The following EYA2 variants were observed in gnomAD, a reference collection of about 807,000 sequenced individuals.
EYA2 encodes protein phosphatase EYA2.
A neutral mutation model predicts 69.2 loss-of-function variants in EYA2; 31 were observed. The observed-to-expected ratio is 0.45, with a 90% confidence interval of 0.34 to 0.60. The LOEUF (loss-of-function observed/expected upper bound fraction) is 0.60, where lower values mean the gene tolerates loss of function less well. Among genes scored for constraint, EYA2 ranks in the 20% least tolerant of loss-of-function variants. EYA2 has a pLI of 0.02. For synonymous variants in EYA2, 257 were observed against 279.4 expected (o/e 0.92, Z 0.80); for missense variants, 622 against 701.2 (o/e 0.89, Z 1.28).
intron 9 of EYA2, among the ~76,000 whole-genome samples, chr20:47,134,261 C>T (rs781123151): frequency 1.1e-4 from 16 of 152,166 alleles, no homozygotes; most frequent in Non-Finnish European, 1.6e-4. Flanking sequence ...GGAAGGCAGA[C>T]GCTCCCTCAG....
chr20:47,087,534 G>A (rs553388661), intron 7 of EYA2, among the ~76,000 whole-genome samples: 7 of 152,336 alleles, frequency 4.6e-5, no homozygotes, highest in South Asian at 2.1e-4. Flanking sequence ...GAGTTACCTC[G>A]TTAGCTAAAT....
intron 2 of EYA2, among the ~76,000 whole-genome samples, chr20:46,991,082 C>A (rs554633078): frequency 6.6e-6 from 1 of 152,350 alleles, no homozygotes; most frequent in South Asian, 2.1e-4. Flanking sequence ...GAAGAACATA[C>A]CCTCATTCTT....
At chr20:46,955,643 A>G (rs1056146713) in intron 1 of EYA2, among the ~76,000 whole-genome samples, 2 of 151,944 alleles carry the variant, frequency 1.3e-5, no homozygotes, top group African/African-American at 4.8e-5. Flanking sequence ...AATCATCCAC[A>G]AATTCATAGA....
intron 10 of EYA2, among the ~76,000 whole-genome samples, chr20:47,154,287 G>A (rs928115640): frequency 6.6e-6 from 1 of 151,976 alleles, no homozygotes; most frequent in Non-Finnish European, 1.5e-5. Context: ...CAATCCCATT[G>A]GGTTAGGGCC....
chr20:47,078,460 G>A (rs1338755159), intron 7 of EYA2, among the ~76,000 whole-genome samples: 2 of 152,174 alleles, frequency 1.3e-5, no homozygotes, highest in African/African-American at 2.4e-5. Context: ...AGGCTCTAGA[G>A]GTTTACTGAC....
In EYA2 at chr20:46,908,870, C is replaced by CTTTTTTTTTTTTTTTTTTTT. The variant is rs56834738; in HGVS notation, c.-11+13901_-11+13920dup. Reference sequence around the variant, plus strand: ...AAAGGCACTAAGCCTCTCTCCCGCACTTTTTTTTTTTTTTTTTTTTTTTTT... The same window carrying CTTTTTTTTTTTTTTTTTTTT: ...AAAGGCACTAAGCCTCTCTCCCGCACTTTTTTTTTTTTTTTTTTTTTTTTTTTTTTTTTTTTTTTTTTTTT... On this transcript the variant is annotated intron_variant, in intron 1 of 15. Coordinates refer to ENST00000327619, the MANE Select transcript of EYA2 (RefSeq NM_005244.5). Among the ~76,000 whole-genome samples the CTTTTTTTTTTTTTTTTTTTT allele has an allele frequency of 4.2e-5, 2 of 47,582 alleles. 1 individual carries two copies. The highest frequency in any genetic ancestry group is 1.7e-4 in the African/African-American group (2 of 11,476). 31.2% of individuals were successfully genotyped at this position (47,582 alleles called of 152,430 possible). A position where few individuals can be genotyped will look rare whatever the true frequency, so the allele number is the denominator to read the frequency against.
intron 5 of EYA2, among the ~76,000 whole-genome samples, chr20:47,060,710 A>G (rs1414775335): frequency 6.6e-6 from 1 of 152,192 alleles, no homozygotes; most frequent in Non-Finnish European, 1.5e-5. Flanking sequence ...GAAGCCATCT[A>G]TCACTGTGCC....
chr20:47,011,350 CAG>C (rs1187186400), intron 4 of EYA2, among the ~76,000 whole-genome samples: 1 of 152,156 alleles, frequency 6.6e-6, no homozygotes, highest in Non-Finnish European at 1.5e-5. Context: ...AGCACCTGCT[CAG>C]GGGGCTGTTG....
At chr20:47,125,618 T>TAAGAGA (rs1395998296) in intron 9 of EYA2, among the ~76,000 whole-genome samples, 2 of 152,216 alleles carry the variant, frequency 1.3e-5, no homozygotes, top group Non-Finnish European at 2.9e-5. Context: ...ACTTTATTAT[T>TAAGAGA]AAAAGCTAAC....
At chr20:46,917,102 C>T (rs1432722506) in intron 1 of EYA2, among the ~76,000 whole-genome samples, 1 of 152,156 alleles carries the variant, frequency 6.6e-6, no homozygotes, top group Admixed American at 6.5e-5. Flanking sequence ...GTCAGGTGGG[C>T]AGCCTCCCCC....
chr20:47,091,954 G>A (rs1252974610), intron 8 of EYA2, among the ~76,000 whole-genome samples: 1 of 152,166 alleles, frequency 6.6e-6, no homozygotes, highest in Non-Finnish European at 1.5e-5. Flanking sequence ...GGCCTAGCTT[G>A]GGTCTTACCC....
At chr20:47,119,343 C>T (rs936982627) in intron 9 of EYA2, among the ~76,000 whole-genome samples, 3 of 152,158 alleles carry the variant, frequency 2.0e-5, no homozygotes, top group African/African-American at 7.2e-5. Context: ...CTTTCAGGCC[C>T]CTCCGATGGC....
At chr20:47,114,221 G>A (rs1463235357) in intron 9 of EYA2, among the ~76,000 whole-genome samples, 2 of 152,240 alleles carry the variant, frequency 1.3e-5, no homozygotes, top group East Asian at 1.9e-4. Flanking sequence ...CCTCGCTGAA[G>A]TGCCTGCACT....
At chr20:47,148,297 G>A (rs1414920688) in intron 10 of EYA2, among the ~76,000 whole-genome samples, 1 of 152,006 alleles carries the variant, frequency 6.6e-6, no homozygotes, top group Non-Finnish European at 1.5e-5. Flanking sequence ...CACCATCTAG[G>A]GCTGTAAGGA....
At chr20:47,182,414 A>G (rs1227973005) in intron 14 of EYA2, among the ~76,000 whole-genome samples, 4 of 148,480 alleles carry the variant, frequency 2.7e-5, no homozygotes, top group Non-Finnish European at 6.0e-5. Context: ...GACTGCCTGA[A>G]GTCAGGCAGT....
At chr20:46,972,188 G>A (rs1239807440) in intron 1 of EYA2, among the ~76,000 whole-genome samples, 2 of 152,162 alleles carry the variant, frequency 1.3e-5, no homozygotes, top group African/African-American at 4.8e-5. Context: ...TATAAAGTGG[G>A]AACCAACACA....
At chr20:46,984,050 C>T (rs1043560642) in intron 1 of EYA2, among the ~76,000 whole-genome samples, 3 of 152,068 alleles carry the variant, frequency 2.0e-5, no homozygotes, top group Non-Finnish European at 4.4e-5. Context: ...GGAAAAATGG[C>T]TTATTTTTGT....
At chr20:46,971,118 C>T (rs1017463012) in intron 1 of EYA2, among the ~76,000 whole-genome samples, 16 of 152,012 alleles carry the variant, frequency 1.1e-4, no homozygotes, top group South Asian at 6.2e-4. Context: ...TGCACACACA[C>T]GTAAATGCAC....
chr20:47,154,901 A>G (rs2033893613), intron 10 of EYA2, among the ~76,000 whole-genome samples: 1 of 147,100 alleles, frequency 6.8e-6, no homozygotes, highest in Non-Finnish European at 1.5e-5. Flanking sequence ...GCTGGAGTGC[A>G]GTGCTGCGAT....
Sources: gnomAD v4.1 joint callset for allele counts (sites outside exome capture counted in the v4.1 genomes callset) on GRCh38, gnomAD v4.1.1 for gene constraint, MANE v1.5 for transcripts, NCBI Gene and HGNC (gene_info 2026-07-23, HGNC 2026-07-21) for gene names.